Variants in CREB5 observed in about 807,000 individuals in gnomAD.
The protein encoded by CREB5 is cAMP responsive element binding protein 5.
CREB5 carries 19 observed loss-of-function variants against 57.1 expected under a neutral mutation model. The ratio of observed to expected loss-of-function variants is 0.33; its 90% CI spans 0.23 to 0.49. The LOEUF is 0.49. CREB5 is among the 20% of genes least tolerant of loss of function. The pLI is 0.99. For missense variants in CREB5, 579 were observed against 671.6 expected (o/e 0.86, Z 1.52); for synonymous variants, 238 against 238.3 (o/e 1.00, Z 0.01).
intron 4 of CREB5, among the ~76,000 whole-genome samples, chr7:28,560,823 CGCGCGCGCGCGT>C (rs1795080712): frequency 2.9e-5 from 1 of 34,468 alleles, no homozygotes; most frequent in Non-Finnish European, 6.6e-5. Flanking sequence ...TGTGTGTGTG[CGCGCGCGCGCGT>C]GTGTGTGTGC....
At chr7:28,362,345 C>T (rs1057063710) in intron 1 of CREB5, among the ~76,000 whole-genome samples, 7 of 152,040 alleles carry the variant, frequency 4.6e-5, no homozygotes, top group African/African-American at 1.7e-4. Context: ...TGAAGTATGA[C>T]TGTTAGAAAA....
chr7:28,520,280 C>A (rs992703318), intron 4 of CREB5, among the ~76,000 whole-genome samples: 2 of 152,308 alleles, frequency 1.3e-5, no homozygotes, highest in Middle Eastern at 3.4e-3. Context: ...CTTCCTCCTT[C>A]GTAGTTGTCT....
chr7:28,359,660 G>GC, intron 1 of CREB5, among the ~76,000 whole-genome samples: 1 of 152,210 alleles, frequency 6.6e-6, no homozygotes, highest in South Asian at 2.1e-4. Context: ...ACTGGTCTAG[G>GC]CAATGATCGT....
intron 5 of CREB5, among the ~76,000 whole-genome samples, chr7:28,635,690 G>T (rs1798390667): frequency 6.6e-6 from 1 of 152,130 alleles, no homozygotes; most frequent in Non-Finnish European, 1.5e-5. Context: ...TGTTAATTTT[G>T]GTTTAGGGTT....
At chr7:28,776,619 G>A (rs1199909742) in intron 7 of CREB5, among the ~76,000 whole-genome samples, 2 of 152,124 alleles carry the variant, frequency 1.3e-5, no homozygotes, top group African/African-American at 2.4e-5. Flanking sequence ...TTACAAAGTT[G>A]TGCAACCATC....
At chr7:28,699,740 C>G (rs537586015) in intron 5 of CREB5, among the ~76,000 whole-genome samples, 82 of 152,210 alleles carry the variant, frequency 5.4e-4, no homozygotes, top group African/African-American at 1.9e-3. Flanking sequence ...AATTATGGCT[C>G]TATTTTTACC....
At chr7:28,752,177 T>G (rs1805017428) in intron 7 of CREB5, among the ~76,000 whole-genome samples, 1 of 152,148 alleles carries the variant, frequency 6.6e-6, no homozygotes, top group Non-Finnish European at 1.5e-5. Flanking sequence ...TAATTTTTTC[T>G]TTTTTTGGAA....
rs1283083804 is a variant in CREB5 at position 28,823,224 on chromosome 7, T to TA, written c.*3952dup. On this transcript the variant is annotated 3_prime_UTR_variant, in exon 11 of 11. Coordinates refer to ENST00000357727, the MANE Select transcript of CREB5 (RefSeq NM_182898.4). ...AGGATAGAATGTGTTTCTTTCTGGT[T>TA]AAAAAAAGGAAAAACCATCTAAGAA... 6.6e-6 allele frequency: 1 copy of TA among 152,662 alleles called. No homozygotes were observed. The highest frequency in any genetic ancestry group is 1.9e-4 in the East Asian group (1 of 5,190). 9.5% of individuals were successfully genotyped at this position (152,662 alleles called of 1,614,324 possible). A position where few individuals can be genotyped will look rare whatever the true frequency, so the allele number is the denominator to read the frequency against.
At chr7:28,790,455 AGAGAGATAGAGAGAG>A (rs1562642960) in intron 7 of CREB5, among the ~76,000 whole-genome samples, 6 of 34,864 alleles carry the variant, frequency 1.7e-4, no homozygotes, top group African/African-American at 8.9e-4. Context: ...AGAGAGAGAG[AGAGAGATAGAGAGAG>A]AGAGAAAGAA....
rs78786238 is a variant in CREB5, at chr7:28,818,141, C to T, written c.1325C>T (p.Pro442Leu). The T allele has an allele frequency of 6.2e-7, 1 of 1,613,370 alleles. No individual in the cohort carries two copies. Among genetic ancestry groups the T allele is most frequent in the African/African-American group, 1.3e-5 (1 of 74,852 alleles). Residue 442 changes from proline (P) to leucine (L), a missense_variant, in exon 10 of 11, where the codon CCA becomes CTA. Pro to Leu is a moderately conservative substitution (Grantham distance 98). Transcript: ENST00000357727. ...TTGTTGTTAACACATAAAGACTGCCCAATAACAGCCATGCAGAAAGAATCA... is the reference window on the plus strand; with the variant it reads ...TTGTTGTTAACACATAAAGACTGCCTAATAACAGCCATGCAGAAAGAATCA... The part of the protein sequence containing the change: ...KQLLLTHKDC[P>L]ITAMQKESQG...
chr7:28,754,198 C>T (rs1044940790), intron 7 of CREB5, among the ~76,000 whole-genome samples: 2 of 152,148 alleles, frequency 1.3e-5, no homozygotes, highest in Admixed American at 6.5e-5. Context: ...GCTGAATCTA[C>T]AGGCTTTCTG....
intron 1 of CREB5, among the ~76,000 whole-genome samples, chr7:28,328,101 G>A (rs1371775072): frequency 6.6e-6 from 1 of 152,104 alleles, no homozygotes; most frequent in African/African-American, 2.4e-5. Context: ...TCTCCTACTT[G>A]CTTCTAGGAT....
Position 28,572,539 on chromosome 7 carries a change from A to G in CREB5, c.464+2002A>G, listed in dbSNP as rs948247383. On this transcript the variant is annotated intron_variant, in intron 5 of 10. Coordinates refer to ENST00000357727, the MANE Select transcript of CREB5 (RefSeq NM_182898.4). ...TATTTTTCTTTCAAGGGGAAAAAAC[A>G]TAAAATGTGCTAGAGTTTACTAGCA... 2.6e-5 allele frequency among the ~76,000 whole-genome samples: 4 copies of G among 152,318 alleles called. No homozygotes were observed. In the South Asian group the frequency reaches 6.2e-4, roughly 24 times the overall value.
intron 5 of CREB5, among the ~76,000 whole-genome samples, chr7:28,687,185 T>C (rs543010219): frequency 6.6e-5 from 10 of 152,302 alleles, no homozygotes; most frequent in African/African-American, 2.4e-4. Context: ...CAATTGTGCA[T>C]TTGCTTGAGC....
chr7:28,584,980 G>T (rs1355028137), intron 5 of CREB5, among the ~76,000 whole-genome samples: 1 of 152,158 alleles, frequency 6.6e-6, no homozygotes, highest in East Asian at 1.9e-4. Flanking sequence ...GAACGAAGAG[G>T]CCTGCTCTAG....
At chr7:28,445,843 G>T (rs144365476) in intron 1 of CREB5, among the ~76,000 whole-genome samples, 10 of 152,186 alleles carry the variant, frequency 6.6e-5, no homozygotes, top group Non-Finnish European at 1.3e-4. Flanking sequence ...GAGCCACTGC[G>T]CCCGGCCTAT....
chr7:28,314,871 G>A (rs752279552), intron 1 of CREB5, among the ~76,000 whole-genome samples: 34 of 152,310 alleles, frequency 2.2e-4, no homozygotes, highest in Middle Eastern at 3.4e-3. Flanking sequence ...CTGCCAATGG[G>A]CACATCAGCG....
At chr7:28,578,786 TA>T (rs1430667645) in intron 5 of CREB5, among the ~76,000 whole-genome samples, 1 of 152,262 alleles carries the variant, frequency 6.6e-6, no homozygotes, top group Non-Finnish European at 1.5e-5. Context: ...GCTTCTTTAC[TA>T]TCTATTTTTC....
intron 2 of CREB5, among the ~76,000 whole-genome samples, chr7:28,492,435 A>G (rs888459718): frequency 6.6e-6 from 1 of 152,194 alleles, no homozygotes; most frequent in African/African-American, 2.4e-5. Context: ...CCACGTTCTG[A>G]ATTCCAGTGG....
Sources: allele counts gnomAD v4.1 joint callset (sites outside exome capture counted in the v4.1 genomes callset), GRCh38; gene constraint gnomAD v4.1.1; transcripts MANE v1.5; gene names NCBI Gene and HGNC (gene_info 2026-07-23, HGNC 2026-07-21).